The following ZEB1 variants were observed in gnomAD, a reference collection of about 807,000 sequenced individuals.
The protein encoded by ZEB1 is zinc finger E-box-binding homeobox 1.
ZEB1 carries 21 observed loss-of-function variants against 84.9 expected under a neutral mutation model. The observed-to-expected ratio is 0.25, with a 90% confidence interval of 0.18 to 0.36. ZEB1 has a LOEUF of 0.36. ZEB1 is among the 10% of genes least tolerant of loss of function. The pLI is 1.00. For missense variants in ZEB1, 1,104 were observed against 1,330.2 expected, an observed-to-expected ratio of 0.83 and a Z score of 2.65; for synonymous variants, 420 against 471.1, an observed-to-expected ratio of 0.89 and a Z score of 1.41.
chr10:31,367,080 A>G (rs1016770433), intron 1 of ZEB1, among the ~76,000 whole-genome samples: 1 of 152,146 alleles, frequency 6.6e-6, no homozygotes, highest in Non-Finnish European at 1.5e-5. Flanking sequence ...TTATTTCTGT[A>G]TCCTATCTAC....
intron 2 of ZEB1, among the ~76,000 whole-genome samples, chr10:31,484,790 G>A (rs895458588): frequency 6.6e-6 from 1 of 151,804 alleles, no homozygotes; most frequent in Non-Finnish European, 1.5e-5. Context: ...TATTTCCTTA[G>A]ATTATTTTAC....
At chr10:31,379,499 G>C (rs1338653602) in intron 1 of ZEB1, among the ~76,000 whole-genome samples, 1 of 151,554 alleles carries the variant, frequency 6.6e-6, no homozygotes, top group African/African-American at 2.4e-5. Flanking sequence ...CACACACACA[G>C]TAACAGTATG....
intron 2 of ZEB1, among the ~76,000 whole-genome samples, chr10:31,485,183 A>G (rs1053062449): frequency 6.6e-6 from 1 of 151,966 alleles, no homozygotes; most frequent in Non-Finnish European, 1.5e-5. Context: ...TTCAAATTCT[A>G]CATGTAATAA....
chr10:31,520,787 A>C lies in ZEB1; in HGVS notation c.1455A>C (p.Gln485His), dbSNP rs1277291486. ...ACTACAGTCTTGAGCAGCCTAGCCAACTTCAAGTTGTTCCTCAAAATTTAA... is the reference window on the plus strand; with the variant it reads ...ACTACAGTCTTGAGCAGCCTAGCCACCTTCAAGTTGTTCCTCAAAATTTAA... ...IINYSLEQPSQLQVVPQNLKK... is the reference protein window; with the variant it reads ...IINYSLEQPSHLQVVPQNLKK... The change falls in exon 7 of 9, where the codon CAA becomes CAC. Residue 485 changes from glutamine (Q) to histidine (H), a missense_variant. Around this residue, in one of 7 missense-constraint regions of ZEB1, gnomAD observed 531 missense variants for 575.2 expected, o/e 0.92. Transcript: ENST00000424869. This position sits in a 1 kb window ranked among gnomAD's most constrained non-coding sequence, Gnocchi z 5.1. The C allele has an allele frequency of 1.9e-6, 3 of 1,614,078 alleles. No homozygotes were observed. In the South Asian group the frequency reaches 3.3e-5, roughly 18 times the overall value.
intron 1 of ZEB1, among the ~76,000 whole-genome samples, chr10:31,365,700 A>G (rs17229942): frequency 0.017 from 2,611 of 152,350 alleles, 34 homozygotes; most frequent in Non-Finnish European, 0.025. Flanking sequence ...GAGAAGATCC[A>G]TATGTGTAAT....
chr10:31,367,521 C>G (rs1164108686), intron 1 of ZEB1, among the ~76,000 whole-genome samples: 2 of 152,178 alleles, frequency 1.3e-5, no homozygotes, highest in Non-Finnish European at 2.9e-5. Context: ...CTAATGTTCA[C>G]AGCAAGCCTA....
rs114743391 is a variant in ZEB1, at chr10:31,417,150, A to C, written c.59-43887A>C. The stretch of plus-strand genomic sequence containing the variant: ...CCCCAGGCTAGGACTTATAGTCCCC[A>C]GTTGGTTATCAAATCTAAACTAAAC... On this transcript the variant is annotated intron_variant, in intron 1 of 8. Coordinates refer to ENST00000424869, the MANE Select transcript of ZEB1 (RefSeq NM_001174096.2). Among the ~76,000 whole-genome samples, 385 of 152,270 alleles carry C rather than the reference A, an allele frequency of 2.5e-3. 5 individuals carry two copies. The highest frequency in any genetic ancestry group is 9.0e-3 in the African/African-American group (374 of 41,568).
At chr10:31,354,917 A>G (rs77037482) in intron 1 of ZEB1, among the ~76,000 whole-genome samples, 2,300 of 152,320 alleles carry the variant, frequency 0.015, 43 homozygotes, top group African/African-American at 0.052. Context: ...GTTGATGCTG[A>G]TAAGTGAACA....
At chr10:31,350,143 C>T (rs2041063532) in intron 1 of ZEB1, among the ~76,000 whole-genome samples, 1 of 152,098 alleles carries the variant, frequency 6.6e-6, no homozygotes, top group Non-Finnish European at 1.5e-5. Context: ...TGGGGACATT[C>T]AGTTTTCCCA....
chr10:31,391,816 C>CT (rs1317145843), intron 1 of ZEB1, among the ~76,000 whole-genome samples: 2 of 152,116 alleles, frequency 1.3e-5, no homozygotes, highest in African/African-American at 4.8e-5. Context: ...TCTGTTGAAT[C>CT]CCCTAAAATT....
At chr10:31,451,430 T>C (rs977862799) in intron 1 of ZEB1, among the ~76,000 whole-genome samples, 10 of 152,200 alleles carry the variant, frequency 6.6e-5, no homozygotes, top group African/African-American at 2.2e-4. Context: ...CTCTATTTTT[T>C]GACTAAGTAC....
intron 1 of ZEB1, among the ~76,000 whole-genome samples, chr10:31,353,651 C>G (rs2041662295): frequency 6.6e-6 from 1 of 152,170 alleles, no homozygotes; most frequent in African/African-American, 2.4e-5. Flanking sequence ...AGATAATTTT[C>G]CAATGATCAT....
chr10:31,501,621 T>TC (rs150705107), intron 3 of ZEB1, among the ~76,000 whole-genome samples: 1,825 of 148,776 alleles, frequency 0.012, 21 homozygotes, highest in Non-Finnish European at 0.02. Flanking sequence ...AAAGTAGAGC[T>TC]CCCCCCCCCA....
At chr10:31,466,432 T>TGA (rs2062429196) in intron 2 of ZEB1, among the ~76,000 whole-genome samples, 3 of 152,124 alleles carry the variant, frequency 2.0e-5, no homozygotes, top group Admixed American at 1.3e-4. Flanking sequence ...AACAGTGGCA[T>TGA]GAAACCATAA....
At chr10:31,395,536 A>T (rs74543357) in intron 1 of ZEB1, among the ~76,000 whole-genome samples, 2 of 152,196 alleles carry the variant, frequency 1.3e-5, no homozygotes, top group African/African-American at 4.8e-5. Flanking sequence ...TAAGACTTTA[A>T]TGGACTGAAG....
intron 1 of ZEB1, chr10:31,320,725 T>TCGGGG (rs1564447291): frequency 6.6e-6 from 1 of 152,290 alleles, no homozygotes. Flanking sequence ...TCTGGTTATC[T>TCGGGG]CGGGGCGATG....
chr10:31,466,022 C>T (rs1340092178), intron 2 of ZEB1, among the ~76,000 whole-genome samples: 1 of 152,004 alleles, frequency 6.6e-6, no homozygotes, highest in Non-Finnish European at 1.5e-5. Context: ...AAAAAATTGT[C>T]ACAAGAGGCA....
At chr10:31,395,897 A>C (rs1440958445) in intron 1 of ZEB1, among the ~76,000 whole-genome samples, 2 of 151,990 alleles carry the variant, frequency 1.3e-5, no homozygotes, top group Non-Finnish European at 2.9e-5. Flanking sequence ...TAGACCACAA[A>C]ATTTGAACTA....
rs572910443 is a variant in ZEB1 at position 31,444,145 on chromosome 10, G to C, written c.59-16892G>C. On this transcript the variant is annotated intron_variant, in intron 1 of 8. Transcript: ENST00000424869. ...TGGTATCTCATAGTGGTTTTGATTT[G>C]CATTTCTCTGATGGCTAGTGATGAT... Among the ~76,000 whole-genome samples, 5 of 150,636 alleles carry C rather than the reference G, an allele frequency of 3.3e-5. No homozygotes were observed. The South Asian group carries it at 1.1e-3, about 32-fold the overall frequency.
Sources: gnomAD v4.1 joint callset for allele counts (sites outside exome capture counted in the v4.1 genomes callset) on GRCh38, gnomAD v4.1.1 for gene constraint, gnomAD v4.1.1 regional missense constraint, Gnocchi (gnomAD v3.1) non-coding constraint, MANE v1.5 for transcripts, NCBI Gene and HGNC (gene_info 2026-07-23, HGNC 2026-07-21) for gene names.